TTC8: variants seen among roughly 807,000 people sequenced by gnomAD.
TTC8 encodes tetratricopeptide repeat protein 8.
Under a neutral mutation model 72.5 loss-of-function variants are expected in TTC8, and 47 were observed. The observed-to-expected ratio is 0.65, with a 90% confidence interval of 0.51 to 0.83. The LOEUF is 0.83. Ranked by LOEUF, TTC8 falls within the 40% of genes least tolerant of loss-of-function variation. The pLI is 0.00. For missense variants in TTC8, 611 were observed against 623.2 expected, an observed-to-expected ratio of 0.98 and a Z score of 0.21; for synonymous variants, 199 against 221.4, an observed-to-expected ratio of 0.90 and a Z score of 0.90.
intron 6 of TTC8, among the ~76,000 whole-genome samples, chr14:88,842,767 C>A (rs2094787815): frequency 1.3e-5 from 2 of 152,102 alleles, no homozygotes; most frequent in Admixed American, 6.6e-5. Flanking sequence ...GTCTTTGGCC[C>A]CCAGCTTGCC....
chr14:88,873,264 TC>T (rs1383573550), intron 13 of TTC8, among the ~76,000 whole-genome samples: 1 of 152,190 alleles, frequency 6.6e-6, no homozygotes, highest in East Asian at 1.9e-4. Context: ...TGCTCTGTCT[TC>T]CTTTAGGGCC....
chr14:88,833,492 A>T (rs2094735919), intron 1 of TTC8, among the ~76,000 whole-genome samples: 1 of 152,258 alleles, frequency 6.6e-6, no homozygotes, highest in Admixed American at 6.5e-5. Context: ...TTTTCTGATC[A>T]TTGAAAATTT....
intron 7 of TTC8, chr14:88,846,931 G>A (rs2094809657): frequency 8.0e-6 from 2 of 249,144 alleles, no homozygotes; most frequent in Non-Finnish European, 1.5e-5. Context: ...ATTATAGCAG[G>A]GCTAGCAAAC....
Position 88,877,454 on chromosome 14 carries a change from A to G in TTC8, c.*44A>G, listed in dbSNP as rs779999360. 3 of 1,469,116 alleles carry G rather than the reference A, an allele frequency of 2.0e-6. No individual in the cohort carries two copies. The highest frequency in any genetic ancestry group is 2.9e-6 in the Non-Finnish European group (3 of 1,048,296). 91.0% of individuals were successfully genotyped at this position (1,469,116 alleles called of 1,614,324 possible). A position where few individuals can be genotyped will look rare whatever the true frequency, so the allele number is the denominator to read the frequency against. On this transcript the variant is annotated 3_prime_UTR_variant, in exon 15 of 15. Transcript: ENST00000380656. ...ATGTTCTTATGAAGCAGCATTATGC[A>G]AGGGGAAAAAAGCACTATGTCTGTG...
chr14:88,860,115 A>G (rs2094878815), intron 9 of TTC8, among the ~76,000 whole-genome samples: 1 of 150,274 alleles, frequency 6.7e-6, no homozygotes, highest in Non-Finnish European at 1.5e-5. Context: ...ATTATATATT[A>G]TTTGTTATAT....
chr14:88,836,035 G>A lies in TTC8; in HGVS notation c.144+2313G>A, dbSNP rs569352609. ...AGGAAGATTAATTTTCTCAAACACT[G>A]ATAAAATTTAAAATTGAATAACAGT... On this transcript the variant is annotated intron_variant, in intron 2 of 14. Coordinates refer to ENST00000380656, the MANE Select transcript of TTC8 (RefSeq NM_144596.4). Among the ~76,000 whole-genome samples the A allele has an allele frequency of 2.1e-3, 318 of 152,108 alleles. 2 individuals carry two copies. Among genetic ancestry groups the A allele is most frequent in the Middle Eastern group, 6.8e-3 (2 of 294 alleles).
chr14:88,840,008 G>A (rs1372293075), intron 3 of TTC8, among the ~76,000 whole-genome samples: 2 of 152,140 alleles, frequency 1.3e-5, no homozygotes, highest in Non-Finnish European at 2.9e-5. Context: ...AAGGTCGTTC[G>A]AAAACATCAC....
chr14:88,847,639 A>G (rs2094813604), intron 7 of TTC8, among the ~76,000 whole-genome samples: 1 of 152,206 alleles, frequency 6.6e-6, no homozygotes, highest in African/African-American at 2.4e-5. Context: ...AATTGAAACT[A>G]GCAAACATTA....
intron 1 of TTC8, among the ~76,000 whole-genome samples, chr14:88,825,163 T>A (rs2140945054): frequency 6.6e-6 from 1 of 152,346 alleles, no homozygotes; most frequent in East Asian, 1.9e-4. Context: ...CTTTAAGCTC[T>A]CAGCGTGTGC....
intron 1 of TTC8, among the ~76,000 whole-genome samples, chr14:88,829,611 A>G (rs987967386): frequency 4.6e-5 from 7 of 152,336 alleles, no homozygotes; most frequent in Middle Eastern, 3.4e-3. Flanking sequence ...AAAATCGGTG[A>G]TTCTGAGGGT....
intron 13 of TTC8, among the ~76,000 whole-genome samples, chr14:88,873,449 A>G (rs1031652234): frequency 3.3e-5 from 5 of 152,152 alleles, no homozygotes; most frequent in Non-Finnish European, 5.9e-5. Context: ...ACTTTATCAG[A>G]TATTTTCATA....
In TTC8 at chr14:88,843,533, C is replaced by T. The variant is rs375858336; in HGVS notation, c.580-273C>T. Among the ~76,000 whole-genome samples the T allele has an allele frequency of 3.0e-4, 45 of 152,030 alleles. 1 individual carries two copies. The highest frequency in any genetic ancestry group is 9.9e-4 in the African/African-American group (41 of 41,494). On this transcript the variant is annotated intron_variant, in intron 6 of 14. Coordinates refer to ENST00000380656, the MANE Select transcript of TTC8 (RefSeq NM_144596.4). ...TAAAGAATTGTCTGCATCTGTTTTA[C>T]GACAATTCTGAAGTTGGTCTTTAAG... is the stretch of plus-strand genomic sequence containing the variant.
At chr14:88,833,856 TC>T in intron 2 of TTC8, 134 bp downstream of exon 2, 1 of 756,726 alleles carries the variant, frequency 1.3e-6, no homozygotes, top group Non-Finnish European at 2.4e-6. Context: ...TGTCAGACAT[TC>T]TGTGCCTTCT....
At chr14:88,846,623 A>C (rs1228851217) in intron 7 of TTC8, 1 of 1,471,484 alleles carries the variant, frequency 6.8e-7, no homozygotes, top group South Asian at 1.2e-5. Flanking sequence ...GTAGTTCTAC[A>C]TCTTGGAATT....
chr14:88,825,195 T>C (rs2094693621), intron 1 of TTC8, among the ~76,000 whole-genome samples: 1 of 152,238 alleles, frequency 6.6e-6, no homozygotes, highest in Non-Finnish European at 1.5e-5. Flanking sequence ...CTAAAAAATA[T>C]GCATAAACAA....
At chr14:88,853,131 G>C (rs74075891) in intron 8 of TTC8, 75 bp downstream of exon 8, 50,548 of 1,067,788 alleles carry the variant, frequency 0.047, 5,665 homozygotes, top group African/African-American at 0.3. Flanking sequence ...CTTTTTGAGG[G>C]GGGGGAGATT....
At chr14:88,872,479 G>A (rs1438820477) in intron 13 of TTC8, 27 bp downstream of exon 13, 1 of 1,612,286 alleles carries the variant, frequency 6.2e-7, no homozygotes, top group Non-Finnish European at 8.5e-7. Flanking sequence ...CGGCATGCTG[G>A]GCAGTCTGCT....
At chr14:88,858,116 C>T (rs928869469) in intron 9 of TTC8, among the ~76,000 whole-genome samples, 4 of 152,024 alleles carry the variant, frequency 2.6e-5, no homozygotes, top group African/African-American at 9.7e-5. Flanking sequence ...TGCACACCAC[C>T]ATGCCTAGCT....
At chr14:88,846,559 C>A in intron 7 of TTC8, 1 of 1,113,306 alleles carries the variant, frequency 9.0e-7, no homozygotes, top group African/African-American at 1.6e-5. Flanking sequence ...AGATCATAAG[C>A]CATTTGTAGG....
Sources: gnomAD v4.1 joint callset for allele counts (sites outside exome capture counted in the v4.1 genomes callset) on GRCh38, gnomAD v4.1.1 for gene constraint, MANE v1.5 for transcripts, NCBI Gene and HGNC (gene_info 2026-07-23, HGNC 2026-07-21) for gene names.